Variants in CTNNA1 observed in about 807,000 individuals in gnomAD.
CTNNA1 encodes catenin alpha 1.
A neutral mutation model predicts 98.4 loss-of-function variants in CTNNA1; 37 were observed. The observed-to-expected ratio is 0.38, with a 90% confidence interval of 0.29 to 0.49. The LOEUF (loss-of-function observed/expected upper bound fraction) is 0.49, where lower values mean the gene tolerates loss of function less well. Among genes scored for constraint, CTNNA1 ranks in the 20% least tolerant of loss-of-function variants. The pLI, the probability that CTNNA1 is intolerant of heterozygous loss-of-function variation, is 0.95. For missense variants in CTNNA1, 761 were observed against 1,147.2 expected, an observed-to-expected ratio of 0.66 and a Z score of 4.86; for synonymous variants, 404 against 413.2, an observed-to-expected ratio of 0.98 and a Z score of 0.27.
At chr5:138,759,944 T>A (rs2149574726) in intron 1 of CTNNA1, among the ~76,000 whole-genome samples, 1 of 151,730 alleles carries the variant, frequency 6.6e-6, no homozygotes. Context: ...TACTCTGCTG[T>A]TTTAGAATCT....
chr5:138,878,147 A>G (rs964750175), intron 7 of CTNNA1, among the ~76,000 whole-genome samples: 2 of 152,202 alleles, frequency 1.3e-5, no homozygotes, highest in Non-Finnish European at 2.9e-5. Context: ...AAGGCCTCTG[A>G]GGAAGTGGGC....
chr5:138,864,044 C>G (rs1764520377), intron 7 of CTNNA1, among the ~76,000 whole-genome samples: 1 of 152,190 alleles, frequency 6.6e-6, no homozygotes. Flanking sequence ...CTTGCTGCAG[C>G]CTCCACTTCT....
chr5:138,850,722 T>C (rs1431447370), intron 7 of CTNNA1, among the ~76,000 whole-genome samples: 1 of 152,200 alleles, frequency 6.6e-6, no homozygotes, highest in Non-Finnish European at 1.5e-5. Context: ...GGTCTTTAGC[T>C]CTGGATCCAG....
At chr5:138,867,734 A>G (rs1400285880) in intron 7 of CTNNA1, among the ~76,000 whole-genome samples, 3 of 146,954 alleles carry the variant, frequency 2.0e-5, no homozygotes, top group Non-Finnish European at 3.0e-5. Flanking sequence ...TTCTCTTATG[A>G]TTTTCTTTCT....
chr5:138,871,133 A>G (rs1750550148), intron 7 of CTNNA1: 1 of 152,212 alleles, frequency 6.6e-6, no homozygotes, highest in African/African-American at 2.4e-5. Flanking sequence ...TGGCTAAACT[A>G]TAGCCTTAAC....
At position 138,925,320 on chromosome 5, in the gene CTNNA1, G is replaced by A. The variant is rs1042043013; in HGVS notation, c.1812G>A (p.Gln604=). ...AAGCCCTCAGCTCGGACCCTGCCCAGCCCATGGATGAGAATGAGTTTATCG... is the reference window on the plus strand; with the variant it reads ...AAGCCCTCAGCTCGGACCCTGCCCAACCCATGGATGAGAATGAGTTTATCG... The part of the protein sequence containing the change: ...AVEALSSDPA[Q]PMDENEFIDA... The change falls in exon 13 of 18, where the codon CAG becomes CAA. Residue 604 remains glutamine (Q), a synonymous_variant. Coordinates refer to ENST00000302763, the MANE Select transcript of CTNNA1 (RefSeq NM_001903.5). 1.2e-6 allele frequency: 2 copies of A among 1,614,036 alleles called. No individual in the cohort carries two copies. The highest frequency in any genetic ancestry group is 1.7e-5 in the Admixed American group (1 of 59,994).
intron 9 of CTNNA1, among the ~76,000 whole-genome samples, chr5:138,896,102 T>A (rs1436097318): frequency 6.6e-6 from 1 of 152,216 alleles, no homozygotes. Flanking sequence ...ACTATGGAAA[T>A]AAGATTCATT....
At chr5:138,809,897 AAAC>A (rs1456789388) in intron 3 of CTNNA1, 138 bp from the exon 4 acceptor site, 9 of 1,218,448 alleles carry the variant, frequency 7.4e-6, no homozygotes, top group South Asian at 3.8e-5. Context: ...AAGGAACAGC[AAAC>A]AACAACAAAA....
At chr5:138,923,366 T>G (rs1763319496) in intron 11 of CTNNA1, among the ~76,000 whole-genome samples, 1 of 152,220 alleles carries the variant, frequency 6.6e-6, no homozygotes, top group African/African-American at 2.4e-5. Context: ...TGTTTACTCT[T>G]TTCATTAGTT....
intron 14 of CTNNA1, among the ~76,000 whole-genome samples, chr5:138,930,027 A>C (rs1764966560): frequency 6.6e-6 from 1 of 152,202 alleles, no homozygotes; most frequent in Non-Finnish European, 1.5e-5. Flanking sequence ...CCTGAGTGCC[A>C]GCGGTATCTC....
intron 7 of CTNNA1, chr5:138,871,518 A>G (rs966858300): frequency 6.6e-6 from 1 of 152,186 alleles, no homozygotes; most frequent in Non-Finnish European, 1.5e-5. Flanking sequence ...TAACTATGGC[A>G]TGTTTATATT....
chr5:138,916,395 C>CTTT (rs751646294), intron 10 of CTNNA1, among the ~76,000 whole-genome samples: 1 of 139,530 alleles, frequency 7.2e-6, no homozygotes, highest in African/African-American at 2.6e-5. Flanking sequence ...TGTTTTTTGT[C>CTTT]TTTTTTTTTT....
intron 1 of CTNNA1, chr5:138,762,185 C>T (rs1476070954): frequency 1.3e-5 from 2 of 152,222 alleles, no homozygotes. Flanking sequence ...TAGAGCAGCA[C>T]TTTCTGAAAC....
chr5:138,873,527 G>T lies in CTNNA1; in HGVS notation c.1063-12685G>T. ...TGCATCTAGAATATCCTCTCCTTGGGTGTGGTCAGGACTGTGGCATAGGAT... is the reference window on the plus strand; with the variant it reads ...TGCATCTAGAATATCCTCTCCTTGGTTGTGGTCAGGACTGTGGCATAGGAT... On this transcript the variant is annotated intron_variant, in intron 7 of 17. Coordinates refer to ENST00000302763, the MANE Select transcript of CTNNA1 (RefSeq NM_001903.5). This position sits in a 1 kb window ranked among gnomAD's most constrained non-coding sequence, Gnocchi z 6.1. 1 of 1,614,002 alleles carries T rather than the reference G, an allele frequency of 6.2e-7. No individual in the cohort carries two copies. Among genetic ancestry groups the T allele is most frequent in the Non-Finnish European group, 8.5e-7 (1 of 1,179,898 alleles).
intron 7 of CTNNA1, among the ~76,000 whole-genome samples, chr5:138,860,500 GT>G (rs60721614): frequency 0.033 from 4,963 of 151,568 alleles, 231 homozygotes; most frequent in African/African-American, 0.1. Context: ...TTTTTTGTTT[GT>G]TTTGTTTTGT....
intron 10 of CTNNA1, among the ~76,000 whole-genome samples, chr5:138,917,248 A>G (rs1194110745): frequency 2.0e-5 from 3 of 152,246 alleles, no homozygotes; most frequent in Non-Finnish European, 4.4e-5. Context: ...TTATCACAAG[A>G]TATTTGTAGT....
At chr5:138,787,419 A>G (rs1050318769) in intron 3 of CTNNA1, among the ~76,000 whole-genome samples, 2 of 144,852 alleles carry the variant, frequency 1.4e-5, no homozygotes, top group Non-Finnish European at 3.1e-5. Context: ...CTCCGTCTCC[A>G]AAAAAAAAAA....
intron 5 of CTNNA1, among the ~76,000 whole-genome samples, chr5:138,820,056 A>G (rs936424294): frequency 2.2e-5 from 2 of 92,076 alleles, no homozygotes; most frequent in African/African-American, 4.3e-5. Context: ...ACCGCCAGCC[A>G]TGCTTCCTGT....
intron 1 of CTNNA1, among the ~76,000 whole-genome samples, chr5:138,776,736 C>T (rs1754264206): frequency 6.6e-6 from 1 of 150,688 alleles, no homozygotes; most frequent in Non-Finnish European, 1.5e-5. Context: ...CCTCACTTCC[C>T]AGTAGGGGCG....
Sources: gnomAD v4.1 joint callset for allele counts (sites outside exome capture counted in the v4.1 genomes callset) on GRCh38, gnomAD v4.1.1 for gene constraint, Gnocchi (gnomAD v3.1) non-coding constraint, MANE v1.5 for transcripts, NCBI Gene and HGNC (gene_info 2026-07-23, HGNC 2026-07-21) for gene names.